PDE11A: variants seen among roughly 807,000 people sequenced by gnomAD.
PDE11A encodes the protein dual 3',5'-cyclic-AMP and -GMP phosphodiesterase 11A.
Under a neutral mutation model 100.5 loss-of-function variants are expected in PDE11A, and 100 were observed. That is an observed-to-expected ratio of 1.00 (90% CI 0.85 to 1.18). The LOEUF is 1.18. Among genes scored for constraint, PDE11A ranks in the 50% most tolerant of loss-of-function variants. The pLI, the probability that PDE11A is intolerant of heterozygous loss-of-function variation, is 0.00. For synonymous variants in PDE11A, 381 were observed against 420.8 expected (o/e 0.91, Z 1.16); for missense variants, 1,141 against 1,152.6 (o/e 0.99, Z 0.15).
intron 1 of PDE11A, among the ~76,000 whole-genome samples, chr2:178,056,270 A>T (rs1219407492): frequency 6.6e-6 from 1 of 152,208 alleles, no homozygotes; most frequent in Non-Finnish European, 1.5e-5. Flanking sequence ...AAAGAAAGAA[A>T]AAGAGTCCTG....
At chr2:177,719,787 T>C (rs1436802637) in intron 12 of PDE11A, among the ~76,000 whole-genome samples, 3 of 152,140 alleles carry the variant, frequency 2.0e-5, no homozygotes, top group Non-Finnish European at 4.4e-5. Context: ...TTTGGTACAT[T>C]ATTAAAATCA....
intron 1 of PDE11A, among the ~76,000 whole-genome samples, chr2:178,029,464 A>G (rs1050872738): frequency 6.6e-6 from 1 of 152,142 alleles, no homozygotes; most frequent in Admixed American, 6.5e-5. Flanking sequence ...AAATATAAAA[A>G]TACCAGGATG....
At chr2:177,731,841 A>G (rs751076853) in intron 10 of PDE11A, among the ~76,000 whole-genome samples, 43 of 152,092 alleles carry the variant, frequency 2.8e-4, no homozygotes, top group Non-Finnish European at 4.9e-4. Context: ...AGTTTGCTAA[A>G]TTACTTTCTA....
chr2:177,910,962 A>G (rs1340465024), intron 2 of PDE11A, among the ~76,000 whole-genome samples: 1 of 152,200 alleles, frequency 6.6e-6, no homozygotes, highest in Non-Finnish European at 1.5e-5. Context: ...CGTGGACCCT[A>G]CTTGTAGAAG....
intron 14 of PDE11A, among the ~76,000 whole-genome samples, chr2:177,699,120 GA>G (rs1327414147): frequency 6.6e-6 from 1 of 152,126 alleles, no homozygotes; most frequent in Non-Finnish European, 1.5e-5. Flanking sequence ...ATTGTTAGGT[GA>G]TCTCCTCATT....
chr2:177,966,910 A>G (rs2085705198), intron 2 of PDE11A, among the ~76,000 whole-genome samples: 1 of 152,094 alleles, frequency 6.6e-6, no homozygotes, highest in Non-Finnish European at 1.5e-5. Flanking sequence ...GTTTTTTGGA[A>G]TAGTTTCATA....
intron 1 of PDE11A, among the ~76,000 whole-genome samples, chr2:178,039,945 G>A (rs2086663537): frequency 6.6e-6 from 1 of 152,094 alleles, no homozygotes; most frequent in South Asian, 2.1e-4. Context: ...GCAAAGTCAT[G>A]GGGAGGGAAA....
intron 9 of PDE11A, among the ~76,000 whole-genome samples, chr2:177,809,782 G>A (rs1430511104): frequency 2.6e-5 from 4 of 152,044 alleles, no homozygotes; most frequent in Admixed American, 2.0e-4. Flanking sequence ...GTGGTGGAAT[G>A]GTACTAGACA....
At chr2:178,082,621 A>G (rs1357966960) in intron 2 of PDE11A, among the ~76,000 whole-genome samples, 1 of 152,256 alleles carries the variant, frequency 6.6e-6, no homozygotes, top group Admixed American at 6.5e-5. Flanking sequence ...AGTCATGAAT[A>G]TTTATGAAAG....
chr2:177,809,826 G>A (rs2082922252), intron 9 of PDE11A, among the ~76,000 whole-genome samples: 1 of 152,190 alleles, frequency 6.6e-6, no homozygotes. Context: ...TGATTCAACA[G>A]AGTAAGTTTA....
intron 2 of PDE11A, among the ~76,000 whole-genome samples, chr2:178,080,555 G>C (rs1164236737): frequency 1.3e-5 from 2 of 152,034 alleles, no homozygotes; most frequent in African/African-American, 4.8e-5. Flanking sequence ...AAGTTATATA[G>C]AAGAAGAAGA....
chr2:177,901,968 A>G (rs1008529492), intron 3 of PDE11A, among the ~76,000 whole-genome samples: 4 of 152,174 alleles, frequency 2.6e-5, no homozygotes, highest in African/African-American at 9.7e-5. Flanking sequence ...TCTAATTTAA[A>G]ATTGCTTTAT....
At position 177,713,987 on chromosome 2, in the gene PDE11A, C is replaced by CTTTTTTTTTTTTTT. The variant is rs57211363; in HGVS notation, c.2044-2123_2044-2110dup. On this transcript the variant is annotated intron_variant, in intron 12 of 19. Coordinates refer to ENST00000286063, the MANE Select transcript of PDE11A (RefSeq NM_016953.4). Reference sequence around the variant, plus strand: ...TCCCACCATATTTCTTTTCTTTTTTCTTTTTTTTTTTTTTTTTTTTTTTTG... The same window carrying CTTTTTTTTTTTTTT: ...TCCCACCATATTTCTTTTCTTTTTTCTTTTTTTTTTTTTTTTTTTTTTTTTTTTTTTTTTTTTTG... Among the ~76,000 whole-genome samples, 105 of 77,412 alleles carry CTTTTTTTTTTTTTT rather than the reference C, an allele frequency of 1.4e-3. 3 individuals are homozygous for CTTTTTTTTTTTTTT. The highest frequency in any genetic ancestry group is 3.2e-3 in the East Asian group (7 of 2,158). The allele number at this position is 77,412 out of a possible 152,430, so 50.8% of individuals were successfully genotyped here.
At chr2:177,896,198 G>A (rs763758464) in intron 4 of PDE11A, among the ~76,000 whole-genome samples, 2 of 152,104 alleles carry the variant, frequency 1.3e-5, no homozygotes, top group Admixed American at 6.6e-5. Context: ...TCTAGATGGT[G>A]TATTTTGATC....
At chr2:177,682,195 TG>T (rs1240612710) in intron 15 of PDE11A, among the ~76,000 whole-genome samples, 1 of 152,220 alleles carries the variant, frequency 6.6e-6, no homozygotes, top group African/African-American at 2.4e-5. Flanking sequence ...TTCAACTAAC[TG>T]CCAATCAGGA....
At chr2:177,920,311 A>G (rs1264763757) in intron 2 of PDE11A, among the ~76,000 whole-genome samples, 1 of 152,036 alleles carries the variant, frequency 6.6e-6, no homozygotes, top group Admixed American at 6.5e-5. Flanking sequence ...ATAATTATGA[A>G]CCTCTAAGTA....
At chr2:177,814,391 G>T (rs1284578202) in intron 9 of PDE11A, among the ~76,000 whole-genome samples, 1 of 152,072 alleles carries the variant, frequency 6.6e-6, no homozygotes, top group African/African-American at 2.4e-5. Context: ...AGTCCTCAGG[G>T]TAAGAAATCC....
chr2:177,741,573 CT>C (rs1298573944), intron 10 of PDE11A, among the ~76,000 whole-genome samples: 2 of 152,134 alleles, frequency 1.3e-5, no homozygotes, highest in African/African-American at 4.8e-5. Flanking sequence ...ATGGTGGTCC[CT>C]TTAAAGTGTC....
intron 9 of PDE11A, among the ~76,000 whole-genome samples, chr2:177,813,564 A>C (rs6739045): frequency 0.95 from 143,906 of 152,014 alleles, 68,611 homozygotes; most frequent in East Asian, 1. Flanking sequence ...GGGAATATAT[A>C]TGGAGAATAT....
Sources: gnomAD v4.1 joint callset for allele counts (sites outside exome capture counted in the v4.1 genomes callset) on GRCh38, gnomAD v4.1.1 for gene constraint, MANE v1.5 for transcripts, NCBI Gene and HGNC (gene_info 2026-07-23, HGNC 2026-07-21) for gene names.